Variants in PLG observed in about 807,000 individuals in gnomAD.
PLG encodes the protein plasmin.
A neutral mutation model predicts 104.4 loss-of-function variants in PLG; 41 were observed. The ratio of observed to expected loss-of-function variants is 0.39; its 90% CI spans 0.31 to 0.51. PLG has a LOEUF of 0.51. Ranked by LOEUF, PLG falls within the 20% of genes least tolerant of loss-of-function variation. The pLI is 0.76. For synonymous variants in PLG, 337 were observed against 357.1 expected, an observed-to-expected ratio of 0.94 and a Z score of 0.63; for missense variants, 891 against 1,003.6, an observed-to-expected ratio of 0.89 and a Z score of 1.52.
rs923758168 is a variant in PLG, at chr6:160,719,772, G to C, written c.1096+934G>C. 6.6e-6 allele frequency among the ~76,000 whole-genome samples: 1 copy of C among 151,984 alleles called. No homozygotes were observed. The highest frequency in any genetic ancestry group is 6.5e-5 in the Admixed American group (1 of 15,274). On this transcript the variant is annotated intron_variant, in intron 9 of 18. Coordinates refer to ENST00000308192, the MANE Select transcript of PLG (RefSeq NM_000301.5). The surrounding 1 kb of genome is among the most constrained non-coding windows in gnomAD (Gnocchi z 4.1). The stretch of plus-strand genomic sequence containing the variant: ...ACATATGAATCCTTACATCATTGCA[G>C]TTCTACTTCCTCCCTCCCAAAATGC...
intron 6 of PLG, among the ~76,000 whole-genome samples, chr6:160,715,664 T>C (rs1330180801): frequency 6.6e-6 from 1 of 151,436 alleles, no homozygotes. Context: ...CTTTCAAGAA[T>C]GCAGAAGTGA....
chr6:160,706,606 C>G, intron 2 of PLG, 64 bp downstream of exon 2: 2 of 1,470,218 alleles, frequency 1.4e-6, no homozygotes, highest in Non-Finnish European at 1.9e-6. Flanking sequence ...AATTTACTCA[C>G]AAATTTATTA....
intron 5 of PLG, among the ~76,000 whole-genome samples, chr6:160,713,553 G>C (rs1777681192): frequency 6.6e-6 from 1 of 152,170 alleles, no homozygotes; most frequent in South Asian, 2.1e-4. Flanking sequence ...ACAGGCATGA[G>C]CCACCATGCC....
chr6:160,742,174 G>A (rs570038149), intron 17 of PLG, among the ~76,000 whole-genome samples: 14 of 152,182 alleles, frequency 9.2e-5, no homozygotes, highest in Middle Eastern at 3.4e-3. Context: ...TAGGTATATC[G>A]CCAGTAGTAG....
At chr6:160,715,017 C>CGCCT in intron 6 of PLG, 103 bp downstream of exon 6, 1 of 1,170,994 alleles carries the variant, frequency 8.5e-7, no homozygotes, top group Admixed American at 1.8e-5. Context: ...AAGAAGTGAA[C>CGCCT]GCCTGATGTT....
At position 160,707,691 on chromosome 6, in the gene PLG, G is replaced by A. The variant is rs371083243; in HGVS notation, c.186-9G>A. The A allele has an allele frequency of 1.3e-4, 201 of 1,597,590 alleles. 2 individuals are homozygous for A. Among genetic ancestry groups the A allele is most frequent in the Middle Eastern group, 4.6e-4 (2 of 4,388 alleles). ...AAATACTTATTGGATTTCCTGCTTC[G>A]TTCTGCAGGGCATTCCAATATCACA... On this transcript the variant is annotated splice_polypyrimidine_tract_variant and intron_variant, in intron 2 of 18. Transcript: ENST00000308192.
In PLG at chr6:160,713,013, G is replaced by T. The variant is rs781343369; in HGVS notation, c.435G>T (p.Glu145Asp). 3.7e-6 allele frequency: 6 copies of T among 1,608,672 alleles called. No individual in the cohort carries two copies. The Admixed American group carries it at 1.0e-4, about 27-fold the overall frequency. ...PRFSPATHPSEGLEENYCRNP... is the reference protein window; with the variant it reads ...PRFSPATHPSDGLEENYCRNP... ...TCTCACCTGCTACACACCCCTCAGAGGGACTGGAGGAGAACTACTGCAGGA... is the reference window on the plus strand; with the variant it reads ...TCTCACCTGCTACACACCCCTCAGATGGACTGGAGGAGAACTACTGCAGGA... The change falls in exon 5 of 19, where the codon GAG becomes GAT. Residue 145 changes from glutamate to aspartate, a missense_variant. By Grantham distance (45) the Glu-to-Asp change is conservative (BLOSUM62 2). Coordinates refer to ENST00000308192, the MANE Select transcript of PLG (RefSeq NM_000301.5).
intron 10 of PLG, among the ~76,000 whole-genome samples, chr6:160,728,479 T>C (rs1777953219): frequency 6.6e-6 from 1 of 151,932 alleles, no homozygotes; most frequent in Non-Finnish European, 1.5e-5. Flanking sequence ...AAGAAAAAAG[T>C]TGGAGGACTT....
intron 17 of PLG, among the ~76,000 whole-genome samples, chr6:160,748,651 T>C (rs1266866724): frequency 6.6e-6 from 1 of 152,204 alleles, no homozygotes; most frequent in Non-Finnish European, 1.5e-5. Context: ...AACATGACTC[T>C]TTCTTGCAAG....
At chr6:160,722,099 C>T (rs1185942650) in intron 9 of PLG, among the ~76,000 whole-genome samples, 2 of 152,196 alleles carry the variant, frequency 1.3e-5, no homozygotes, top group African/African-American at 4.8e-5. Flanking sequence ...GCATCCTCCT[C>T]TCATCTGCCC....
At chr6:160,711,228 G>C (rs561029734) in intron 4 of PLG, 37 bp downstream of exon 4, 1 of 1,597,482 alleles carries the variant, frequency 6.3e-7, no homozygotes, top group African/African-American at 1.3e-5. Context: ...TTCATCTACT[G>C]TAAAGTTGTC....
Position 160,707,696 on chromosome 6 carries a change from G to T in PLG, c.186-4G>T, listed in dbSNP as rs1421363217. 1 of 1,604,120 alleles carries T rather than the reference G, an allele frequency of 6.2e-7. No homozygotes were observed. Among genetic ancestry groups the T allele is most frequent in the Non-Finnish European group, 8.5e-7 (1 of 1,172,728 alleles). ...CTTATTGGATTTCCTGCTTCGTTCT[G>T]CAGGGCATTCCAATATCACAGTAAA... On this transcript the variant is annotated splice_polypyrimidine_tract_variant and splice_region_variant and intron_variant, in intron 2 of 18. Transcript: ENST00000308192.
At chr6:160,751,664 ATATTAGT>A (rs1272703797) in intron 17 of PLG, among the ~76,000 whole-genome samples, 2 of 152,188 alleles carry the variant, frequency 1.3e-5, no homozygotes, top group Non-Finnish European at 2.9e-5. Flanking sequence ...TCCCCTTAAC[ATATTAGT>A]TATGAAGATC....
Position 160,734,197 on chromosome 6 carries a change from T to A in PLG, c.1681+109T>A. 1 of 673,286 alleles carries A rather than the reference T, an allele frequency of 1.5e-6. No homozygotes were observed. The highest frequency in any genetic ancestry group is 2.8e-6 in the Non-Finnish European group (1 of 359,256). The allele number at this position is 673,286 out of a possible 1,614,324, so 41.7% of individuals were successfully genotyped here. A position where few individuals can be genotyped will look rare whatever the true frequency, so the allele number is the denominator to read the frequency against. On this transcript the variant is annotated intron_variant, in intron 13 of 18. Coordinates refer to ENST00000308192, the MANE Select transcript of PLG (RefSeq NM_000301.5). The surrounding 1 kb of genome is among the most constrained non-coding windows in gnomAD (Gnocchi z 4.4). ...GCTTCTGGGGAGGAGATAGCTGCCC[T>A]CTCCATCAGACCCCACTCTTCATCA...
chr6:160,705,756 A>T (rs1286566827), intron 1 of PLG: 2 of 152,416 alleles, frequency 1.3e-5, no homozygotes, highest in Non-Finnish European at 2.9e-5. Context: ...GAAATCAAAC[A>T]ATGGCCTCCA....
intron 17 of PLG, among the ~76,000 whole-genome samples, chr6:160,748,374 A>AGAGAG (rs1778320766): frequency 3.3e-4 from 18 of 55,310 alleles, no homozygotes; most frequent in South Asian, 1.8e-3. Flanking sequence ...GAAAGAAAGA[A>AGAGAG]AGAAAGAAAG....
At chr6:160,722,048 C>G (rs762788760) in intron 9 of PLG, among the ~76,000 whole-genome samples, 6 of 152,146 alleles carry the variant, frequency 3.9e-5, no homozygotes, top group East Asian at 1.9e-4. Flanking sequence ...GTCTGCCCCC[C>G]ACTGACAGCC....
At position 160,737,148 on chromosome 6, in the gene PLG, A is replaced by C; in HGVS notation, c.1802+141A>C. 1 of 873,304 alleles carries C rather than the reference A, an allele frequency of 1.1e-6. No homozygotes were observed. Among genetic ancestry groups the C allele is most frequent in the Non-Finnish European group, 1.7e-6 (1 of 588,238 alleles). The allele number at this position is 873,304 out of a possible 1,614,324, so 54.1% of individuals were successfully genotyped here. A position where few individuals can be genotyped will look rare whatever the true frequency, so the allele number is the denominator to read the frequency against. ...CTGAAGGAGGAAAAAAGCTACAAAA[A>C]TTAATATATGTATATATACATATAT... is the stretch of plus-strand genomic sequence containing the variant. On this transcript the variant is annotated intron_variant, in intron 14 of 18. Coordinates refer to ENST00000308192, the MANE Select transcript of PLG (RefSeq NM_000301.5). The surrounding 1 kb of genome is among the most constrained non-coding windows in gnomAD (Gnocchi z 4.7).
Position 160,711,953 on chromosome 6 carries a change from G to C in PLG, c.407+762G>C, listed in dbSNP as rs1777651839. On this transcript the variant is annotated intron_variant, in intron 4 of 18. Transcript: ENST00000308192. Reference sequence around the variant, plus strand: ...TTGTACTTTTCCCAGTTTGGTGTTAGGTGGCATTAAGTTCTCAGTAATGAC... The same window carrying C: ...TTGTACTTTTCCCAGTTTGGTGTTACGTGGCATTAAGTTCTCAGTAATGAC... The C allele has an allele frequency of 1.3e-5, 17 of 1,266,592 alleles. No individual in the cohort carries two copies. In the South Asian group the frequency reaches 2.7e-4, roughly 20 times the overall value. 78.5% of individuals were successfully genotyped at this position (1,266,592 alleles called of 1,614,324 possible). A position where few individuals can be genotyped will look rare whatever the true frequency, so the allele number is the denominator to read the frequency against.
Sources: gnomAD v4.1 joint callset for allele counts (sites outside exome capture counted in the v4.1 genomes callset) on GRCh38, gnomAD v4.1.1 for gene constraint, Gnocchi (gnomAD v3.1) non-coding constraint, MANE v1.5 for transcripts, NCBI Gene and HGNC (gene_info 2026-07-23, HGNC 2026-07-21) for gene names.